YES1: variants seen among roughly 807,000 people sequenced by gnomAD.
YES1 encodes the protein YES proto-oncogene 1, Src family tyrosine kinase.
In YES1, 39 loss-of-function variants were observed where a neutral mutation model predicts 70.4. That is an observed-to-expected ratio of 0.55 (90% confidence interval 0.43 to 0.72). The LOEUF (loss-of-function observed/expected upper bound fraction) is 0.72, where lower values mean the gene tolerates loss of function less well. Ranked by LOEUF, YES1 falls within the 30% of genes least tolerant of loss-of-function variation. The probability of loss-of-function intolerance (pLI) is 0.00; values close to 1 mark genes in which losing one functional copy is unlikely to be tolerated. For synonymous variants in YES1, 198 were observed against 218.6 expected (o/e 0.91, Z 0.83); for missense variants, 495 against 644.8 (o/e 0.77, Z 2.52).
At chr18:812,333 C>T (rs1207712400), upstream of YES1, 2 of 151,476 alleles carry the variant, frequency 1.3e-5, no homozygotes, top group African/African-American at 2.4e-5. Flanking sequence ...CTCCGCCCCC[C>T]CCCCCCGGCC....
intron 11 of YES1, among the ~76,000 whole-genome samples, chr18:729,894 G>A (rs1052962071): frequency 2.0e-5 from 3 of 151,966 alleles, no homozygotes; most frequent in Admixed American, 2.0e-4. Context: ...CAATGTGTTG[G>A]GATTACAGGC....
At chr18:777,196 C>T (rs1905426602) in intron 1 of YES1, among the ~76,000 whole-genome samples, 1 of 152,078 alleles carries the variant, frequency 6.6e-6, no homozygotes. Context: ...GGGGAGGAGG[C>T]TAAAACAGCA....
chr18:751,983 T>C (rs2080349940), intron 2 of YES1, among the ~76,000 whole-genome samples, 179 bp from the exon 3 acceptor site: 1 of 152,190 alleles, frequency 6.6e-6, no homozygotes, highest in South Asian at 2.1e-4. Context: ...CATGACCATA[T>C]TTTATGTTCT....
chr18:778,925 G>T (rs758409901), intron 1 of YES1, among the ~76,000 whole-genome samples: 2 of 152,106 alleles, frequency 1.3e-5, no homozygotes, highest in Non-Finnish European at 1.5e-5. Flanking sequence ...GTTAGCAATG[G>T]ACAACTGATC....
chr18:735,265 A>G (rs1344023056), intron 10 of YES1, among the ~76,000 whole-genome samples: 3 of 152,114 alleles, frequency 2.0e-5, no homozygotes, highest in Admixed American at 2.0e-4. Context: ...CCATTGACCA[A>G]TGAGTGGATA....
chr18:743,057 T>C lies in YES1; in HGVS notation c.921A>G (p.Leu307=). 1 of 1,606,812 alleles carries C rather than the reference T, an allele frequency of 6.2e-7. No homozygotes were observed. Among genetic ancestry groups the C allele is most frequent in the Non-Finnish European group, 8.5e-7 (1 of 1,178,466 alleles). Residue 307 remains leucine (L), a synonymous_variant, in exon 8 of 12, where the codon CTA becomes CTG. Coordinates refer to ENST00000314574, the MANE Select transcript of YES1 (RefSeq NM_005433.4). ...CTTCTGGCATCATTGTACCTGGTTT[T>C]AGTGTTTTGATTGCTACTTTCGTGG... The part of the protein sequence containing the change: ...NGTTKVAIKT[L]KPGTMMPEAF...
At chr18:767,278 C>T (rs1356138988) in intron 1 of YES1, among the ~76,000 whole-genome samples, 2 of 152,106 alleles carry the variant, frequency 1.3e-5, no homozygotes. Flanking sequence ...GCCTTCTGAG[C>T]AGCTGGGACT....
intron 10 of YES1, among the ~76,000 whole-genome samples, chr18:733,782 CAAAAAAAAAAAAAAAAAAA>C (rs71174280): frequency 1.7e-5 from 1 of 59,242 alleles, no homozygotes; most frequent in East Asian, 5.2e-4. Context: ...GACTCCGTCT[CAAAAAAAAAAAAAAAAAAA>C]AAAAAAAAAG....
intron 1 of YES1, among the ~76,000 whole-genome samples, chr18:767,536 G>C (rs1413118841): frequency 6.6e-6 from 1 of 152,024 alleles, no homozygotes; most frequent in Admixed American, 6.6e-5. Flanking sequence ...GAATTACCTT[G>C]TTACCTTTGT....
At chr18:810,868 T>C (rs1907338801) in intron 1 of YES1, among the ~76,000 whole-genome samples, 1 of 152,160 alleles carries the variant, frequency 6.6e-6, no homozygotes, top group Non-Finnish European at 1.5e-5. Context: ...AAGTGATGCA[T>C]ACAAGATCCT....
At chr18:763,658 C>G (rs901620794) in intron 1 of YES1, among the ~76,000 whole-genome samples, 2 of 135,228 alleles carry the variant, frequency 1.5e-5, no homozygotes, top group Non-Finnish European at 3.0e-5. Flanking sequence ...GAGCTGTGAT[C>G]GTGCCACTGC....
chr18:735,161 C>CAAAAAAAGAAAAA lies in YES1; in HGVS notation c.1291+1646_1291+1647insTTTTTCTTTTTTT, dbSNP rs759084064. Among the ~76,000 whole-genome samples, 75 of 110,690 alleles carry CAAAAAAAGAAAAA rather than the reference C, an allele frequency of 6.8e-4. 2 individuals are homozygous for CAAAAAAAGAAAAA. Among genetic ancestry groups the CAAAAAAAGAAAAA allele is most frequent in the African/African-American group, 2.5e-3 (73 of 29,482 alleles). The allele number at this position is 110,690 out of a possible 152,430, so 72.6% of individuals were successfully genotyped here. On this transcript the variant is annotated intron_variant, in intron 10 of 11. Coordinates refer to ENST00000314574, the MANE Select transcript of YES1 (RefSeq NM_005433.4). ...AACAGATTGAGACTGTGTCTCAAAG[C>CAAAAAAAGAAAAA]AAAAAAAAAAAAATCATTATATGAA...
chr18:765,399 CTTT>C (rs1160937016), intron 1 of YES1, among the ~76,000 whole-genome samples: 15 of 123,478 alleles, frequency 1.2e-4, no homozygotes, highest in African/African-American at 2.7e-4. Flanking sequence ...TAATTTAACA[CTTT>C]TTTTTTTTTT....
intron 1 of YES1, among the ~76,000 whole-genome samples, chr18:779,841 CTTCT>C (rs1905565326): frequency 6.6e-6 from 1 of 151,924 alleles, no homozygotes; most frequent in African/African-American, 2.4e-5. Flanking sequence ...TGCACGTACT[CTTCT>C]TTAATTGGGG....
At chr18:752,891 C>T (rs770765864) in intron 2 of YES1, among the ~76,000 whole-genome samples, 9 of 151,910 alleles carry the variant, frequency 5.9e-5, no homozygotes, top group South Asian at 2.1e-4. Flanking sequence ...TGCCATGAGC[C>T]GAGATTATGC....
intron 1 of YES1, among the ~76,000 whole-genome samples, chr18:804,786 C>T (rs1486799381): frequency 2.7e-5 from 4 of 150,836 alleles, no homozygotes; most frequent in Non-Finnish European, 5.9e-5. Flanking sequence ...TGGTGGCACA[C>T]GCCTGTAATC....
intron 8 of YES1, among the ~76,000 whole-genome samples, chr18:741,638 T>A (rs1247573774): frequency 1.3e-5 from 2 of 152,034 alleles, no homozygotes; most frequent in Non-Finnish European, 2.9e-5. Context: ...ATCCCATCTG[T>A]AGAAAAATAC....
chr18:812,327 G>GCCCCCCCCCCCCCCCCCCCCC (rs10617278), upstream of YES1: 1 of 145,060 alleles, frequency 6.9e-6, no homozygotes. Flanking sequence ...CACCTCCTCC[G>GCCCCCCCCCCCCCCCCCCCCC]CCCCCCCCCC....
chr18:769,163 G>C (rs1258586608), intron 1 of YES1, among the ~76,000 whole-genome samples: 2 of 152,150 alleles, frequency 1.3e-5, no homozygotes, highest in Non-Finnish European at 2.9e-5. Flanking sequence ...GTTTATGTAA[G>C]CACACTGCAT....
Sources: allele counts gnomAD v4.1 joint callset (sites outside exome capture counted in the v4.1 genomes callset), GRCh38; gene constraint gnomAD v4.1.1; transcripts MANE v1.5; gene names NCBI Gene and HGNC (gene_info 2026-07-23, HGNC 2026-07-21).